RASSF6: variants seen among roughly 807,000 people sequenced by gnomAD.
The protein encoded by RASSF6 is ras association domain-containing protein 6.
In RASSF6, 52 loss-of-function variants were observed where a neutral mutation model predicts 44.0. The observed-to-expected ratio is 1.18, with a 90% CI of 0.95 to 1.49. The LOEUF (loss-of-function observed/expected upper bound fraction) is 1.49. Ranked by LOEUF, RASSF6 falls within the 40% of genes most tolerant of loss-of-function variation. The pLI, the probability that RASSF6 is intolerant of heterozygous loss-of-function variation, is 0.00. For missense variants in RASSF6, 464 were observed against 393.3 expected, an observed-to-expected ratio of 1.18 and a Z score of -1.52; for synonymous variants, 162 against 124.6, an observed-to-expected ratio of 1.30 and a Z score of -2.00.
intron 3 of RASSF6, among the ~76,000 whole-genome samples, chr4:73,597,287 A>G (rs920910033): frequency 3.3e-5 from 5 of 152,194 alleles, no homozygotes; most frequent in African/African-American, 1.2e-4. Flanking sequence ...GGAAAAAACC[A>G]AACAACCCCA....
At chr4:73,615,573 G>A (rs1183926283) in intron 1 of RASSF6, among the ~76,000 whole-genome samples, 2 of 152,222 alleles carry the variant, frequency 1.3e-5, no homozygotes, top group African/African-American at 2.4e-5. Context: ...TGTAGGCCCT[G>A]GGGCCAGAGA....
intron 8 of RASSF6, among the ~76,000 whole-genome samples, chr4:73,579,415 C>A (rs566480071): frequency 4.7e-4 from 71 of 152,218 alleles, no homozygotes; most frequent in African/African-American, 1.6e-3. Context: ...ATAAAAATAT[C>A]TTTTTACCCT....
At chr4:73,614,284 G>C (rs1198592205) in intron 1 of RASSF6, among the ~76,000 whole-genome samples, 1 of 152,154 alleles carries the variant, frequency 6.6e-6, no homozygotes, top group African/African-American at 2.4e-5. Flanking sequence ...CCTCTGTTGT[G>C]GTCTGAATGT....
In RASSF6 at chr4:73,620,268, T is replaced by C. The variant is rs1534642; in HGVS notation, c.-35+20A>G. 715,289 of 1,386,974 alleles carry C rather than the reference T, an allele frequency of 0.52. 186,554 individuals are homozygous for C. The highest frequency in any genetic ancestry group is 0.67 in the East Asian group (23,237 of 34,922). The allele number at this position is 1,386,974 out of a possible 1,614,324, so 85.9% of individuals were successfully genotyped here. On this transcript the variant is annotated intron_variant, in intron 1 of 10. Coordinates refer to ENST00000307439, the MANE Select transcript of RASSF6 (RefSeq NM_177532.5). ...CAGGGAGTGGATTAGAAAGTTTTTT[T>C]CCCCATCCCCATTTTTTACCTGTTA... is the stretch of plus-strand genomic sequence containing the variant.
chr4:73,583,024 T>C (rs1723794878), intron 6 of RASSF6, among the ~76,000 whole-genome samples: 1 of 152,136 alleles, frequency 6.6e-6, no homozygotes, highest in African/African-American at 2.4e-5. Context: ...TATGGAGCCC[T>C]GAAAAACCAC....
intron 2 of RASSF6, among the ~76,000 whole-genome samples, chr4:73,603,267 T>C (rs533321370): frequency 1.1e-4 from 17 of 152,300 alleles, no homozygotes; most frequent in Admixed American, 1.0e-3. Flanking sequence ...ATAAGGATGG[T>C]GTTTTCACTA....
intron 1 of RASSF6, among the ~76,000 whole-genome samples, chr4:73,615,021 A>G (rs989860893): frequency 3.9e-5 from 6 of 152,070 alleles, no homozygotes; most frequent in Non-Finnish European, 8.8e-5. Flanking sequence ...GTGAAGTGAA[A>G]TACAAAAGTT....
chr4:73,587,616 G>T (rs1724198127), intron 5 of RASSF6, among the ~76,000 whole-genome samples: 1 of 151,606 alleles, frequency 6.6e-6, no homozygotes, highest in Admixed American at 6.6e-5. Context: ...ATTTTTTTAA[G>T]AATTATATTT....
Position 73,620,300 on chromosome 4 carries a change from CTG to C in RASSF6, c.-49_-48del, listed in dbSNP as rs773207919. 27 of 1,446,860 alleles carry C rather than the reference CTG, an allele frequency of 1.9e-5. No homozygotes were observed. Among genetic ancestry groups the C allele is most frequent in the Non-Finnish European group, 2.4e-5 (26 of 1,102,770 alleles). 89.6% of individuals were successfully genotyped at this position (1,446,860 alleles called of 1,614,324 possible). A position where few individuals can be genotyped will look rare whatever the true frequency, so the allele number is the denominator to read the frequency against. On this transcript the variant is annotated 5_prime_UTR_variant, in exon 1 of 11. It removes the in-frame stop codon of an upstream open reading frame in the 5' UTR. Transcript: ENST00000307439. The stretch of plus-strand genomic sequence containing the variant: ...CCCCATTTTTTACCTGTTATTCACA[CTG>C]TGAGCAGGAGGACCCTTTTCACCAT...
At position 73,585,296 on chromosome 4, in the gene RASSF6, A is replaced by G. The variant is rs1723998654; in HGVS notation, c.451T>C (p.Tyr151His). Residue 151 changes from tyrosine (Y) to histidine (H), a missense_variant, in exon 6 of 11, where the codon TAT becomes CAT. Coordinates refer to ENST00000307439, the MANE Select transcript of RASSF6 (RefSeq NM_177532.5). Reference sequence around the variant, plus strand: ...AGAGCTGCTTCACTCATGGTTCTATAGAGCACTGGGGAGTCTGGTTCATCC... The same window carrying G: ...AGAGCTGCTTCACTCATGGTTCTATGGAGCACTGGGGAGTCTGGTTCATCC... The part of the protein sequence containing the change: ...AKDEPDSPVL[Y>H]RTMSEAALVR... 6 of 1,612,556 alleles carry G rather than the reference A, an allele frequency of 3.7e-6. No individual in the cohort carries two copies. The highest frequency in any genetic ancestry group is 5.1e-6 in the Non-Finnish European group (6 of 1,179,098).
rs1409514338 is a variant in RASSF6 at position 73,620,397 on chromosome 4, G to A, written c.-144C>T. 7.8e-6 allele frequency: 12 copies of A among 1,535,410 alleles called. No individual in the cohort carries two copies. The highest frequency in any genetic ancestry group is 1.1e-5 in the Non-Finnish European group (12 of 1,140,720). On this transcript the variant is annotated 5_prime_UTR_variant, in exon 1 of 11. Transcript: ENST00000307439. ...CAGGAACTCTGGTAGAGGGAAACCAGTGCCCTGTCTCTGCCGGGCTGGGAC... is the reference window on the plus strand; with the variant it reads ...CAGGAACTCTGGTAGAGGGAAACCAATGCCCTGTCTCTGCCGGGCTGGGAC...
At chr4:73,619,795 T>TC (rs1726580244) in intron 1 of RASSF6, among the ~76,000 whole-genome samples, 1 of 152,098 alleles carries the variant, frequency 6.6e-6, no homozygotes, top group Non-Finnish European at 1.5e-5. Context: ...AATTCATTTT[T>TC]TTTTTGGTGG....
At chr4:73,578,295 C>A (rs1018236678) in intron 8 of RASSF6, among the ~76,000 whole-genome samples, 3 of 152,134 alleles carry the variant, frequency 2.0e-5, no homozygotes, top group Admixed American at 1.3e-4. Context: ...GAACGAGGTG[C>A]ATGTGAATGG....
At chr4:73,610,802 G>A (rs538251774) in intron 2 of RASSF6, among the ~76,000 whole-genome samples, 3 of 152,214 alleles carry the variant, frequency 2.0e-5, no homozygotes, top group African/African-American at 4.8e-5. Context: ...ACTGCATCCC[G>A]ACTTTATGAT....
intron 1 of RASSF6, among the ~76,000 whole-genome samples, chr4:73,614,413 G>C (rs1726215113): frequency 6.6e-6 from 1 of 152,156 alleles, no homozygotes; most frequent in Non-Finnish European, 1.5e-5. Flanking sequence ...TGTGGTTAGT[G>C]CCCTTATAAA....
chr4:73,589,897 T>A (rs1012880847), intron 4 of RASSF6, among the ~76,000 whole-genome samples: 1 of 152,128 alleles, frequency 6.6e-6, no homozygotes. Flanking sequence ...TATGGTCACT[T>A]CCCTACCCAT....
Position 73,580,237 on chromosome 4 carries a change from G to A in RASSF6, c.721+1580C>T, listed in dbSNP as rs1400451863. On this transcript the variant is annotated intron_variant, in intron 8 of 10. Transcript: ENST00000307439. ...TTATGGATGCATAGTATTCCATGGT[G>A]TATATGTGCCACATTTTCTTAATCC... Among the ~76,000 whole-genome samples, 19 of 151,848 alleles carry A rather than the reference G, an allele frequency of 1.3e-4. No individual in the cohort carries two copies. In the South Asian group the frequency reaches 2.7e-3, roughly 22 times the overall value.
rs116637939 is a variant in RASSF6, at chr4:73,600,925, T to A, written c.66-2207A>T. On this transcript the variant is annotated intron_variant, in intron 2 of 10. Transcript: ENST00000307439. Reference sequence around the variant, plus strand: ...ACATGAACATGATTTATAGCACTCATTGTTTAGTGCCAGAACACTATTAAG... The same window carrying A: ...ACATGAACATGATTTATAGCACTCAATGTTTAGTGCCAGAACACTATTAAG... 3.9e-3 allele frequency among the ~76,000 whole-genome samples: 597 copies of A among 152,326 alleles called. 5 individuals carry two copies. The highest frequency in any genetic ancestry group is 0.012 in the African/African-American group (498 of 41,572).
intron 5 of RASSF6, among the ~76,000 whole-genome samples, chr4:73,587,156 C>T (rs867240717): frequency 4.6e-5 from 7 of 152,020 alleles, no homozygotes; most frequent in African/African-American, 1.7e-4. Flanking sequence ...ATGCCTGATA[C>T]TTACCAGAGT....
Sources: gnomAD v4.1 joint callset for allele counts (sites outside exome capture counted in the v4.1 genomes callset) on GRCh38, gnomAD v4.1.1 for gene constraint, MANE v1.5 for transcripts, NCBI Gene and HGNC (gene_info 2026-07-23, HGNC 2026-07-21) for gene names.